The following TRPM7 variants were observed in gnomAD, a reference collection of about 807,000 sequenced individuals.
TRPM7 encodes transient receptor potential cation channel subfamily M member 7.
TRPM7 carries 134 observed loss-of-function variants against 229.7 expected under a neutral mutation model. The observed-to-expected ratio is 0.58, with a 90% confidence interval of 0.51 to 0.67. TRPM7 has a LOEUF of 0.67. TRPM7 is among the 30% of genes least tolerant of loss of function. The pLI is 0.00. For missense variants in TRPM7, 1,901 were observed against 2,210.0 expected (o/e 0.86, Z 2.80); for synonymous variants, 699 against 715.2 (o/e 0.98, Z 0.36).
intron 1 of TRPM7, among the ~76,000 whole-genome samples, chr15:50,683,555 CA>C (rs932296479): frequency 2.6e-5 from 4 of 151,760 alleles, no homozygotes; most frequent in Admixed American, 2.6e-4. Flanking sequence ...GCCAACATGG[CA>C]AACCCTGTCT....
intron 16 of TRPM7, 123 bp from the exon 17 acceptor site, chr15:50,611,444 G>C: frequency 1.4e-6 from 1 of 736,788 alleles, no homozygotes; most frequent in Non-Finnish European, 2.2e-6. Context: ...AGAATTATGA[G>C]GCATTAAAAC....
chr15:50,599,602 CAAG>C lies in TRPM7; in HGVS notation c.2989-309_2989-307del, dbSNP rs1466327102. ...TATCTCTGTGGTACGTGAAGATTTTCAAGAAGTACAGAGACACAGACAGATTTA... is the reference window on the plus strand; with the variant it reads ...TATCTCTGTGGTACGTGAAGATTTTCAAGTACAGAGACACAGACAGATTTA... On this transcript the variant is annotated intron_variant, in intron 21 of 38. Coordinates refer to ENST00000646667, the MANE Select transcript of TRPM7 (RefSeq NM_017672.6). The C allele has an allele frequency of 2.0e-5, 4 of 196,666 alleles. No individual in the cohort carries two copies. In the Admixed American group the frequency reaches 2.4e-4, roughly 12 times the overall value. 12.2% of individuals were successfully genotyped at this position (196,666 alleles called of 1,614,324 possible). A position where few individuals can be genotyped will look rare whatever the true frequency, so the allele number is the denominator to read the frequency against.
rs564118825 is a variant in TRPM7, at chr15:50,585,024, C to T, written c.4486+1368G>A. On this transcript the variant is annotated intron_variant, in intron 28 of 38. Coordinates refer to ENST00000646667, the MANE Select transcript of TRPM7 (RefSeq NM_017672.6). ...CCGAGTAGCTGGGATTACAGACGTG[C>T]GCCACCACATCTAGCTAATTTTTGT... Among the ~76,000 whole-genome samples, 7 of 151,166 alleles carry T rather than the reference C, an allele frequency of 4.6e-5. No homozygotes were observed. In the East Asian group the frequency reaches 1.2e-3, roughly 25 times the overall value.
intron 3 of TRPM7, among the ~76,000 whole-genome samples, chr15:50,654,845 C>T (rs1173743987): frequency 4.1e-5 from 6 of 146,040 alleles, no homozygotes; most frequent in Non-Finnish European, 7.6e-5. Flanking sequence ...AAAAAAACCA[C>T]AAAAAACTAC....
chr15:50,586,363 G>A lies in TRPM7; in HGVS notation c.4486+29C>T, dbSNP rs777044483. 11 of 1,380,538 alleles carry A rather than the reference G, an allele frequency of 8.0e-6. No individual in the cohort carries two copies. The South Asian group carries it at 1.3e-4, about 16-fold the overall frequency. The allele number at this position is 1,380,538 out of a possible 1,614,324, so 85.5% of individuals were successfully genotyped here. A position where few individuals can be genotyped will look rare whatever the true frequency, so the allele number is the denominator to read the frequency against. On this transcript the variant is annotated intron_variant, in intron 28 of 38. Transcript: ENST00000646667. ...TAAAGTGTAAATGAGTATGTTTTCTGACACTATTCATATGGTCAAAATACT... is the reference window on the plus strand; with the variant it reads ...TAAAGTGTAAATGAGTATGTTTTCTAACACTATTCATATGGTCAAAATACT...
chr15:50,583,199 G>T, intron 28 of TRPM7, 40 bp from the exon 29 acceptor site: 3 of 1,427,338 alleles, frequency 2.1e-6, no homozygotes, highest in South Asian at 2.4e-5. Flanking sequence ...CTACACAACT[G>T]AAGTTTTATG....
At chr15:50,657,968 T>A in intron 2 of TRPM7, 149 bp from the exon 3 acceptor site, 1 of 545,886 alleles carries the variant, frequency 1.8e-6, no homozygotes, top group Non-Finnish European at 3.3e-6. Context: ...TACCTTGATT[T>A]ATAATTCAAA....
chr15:50,592,198 G>A lies in TRPM7; in HGVS notation c.4037C>T (p.Pro1346Leu), dbSNP rs1249508184. The change falls in exon 26 of 39, where the codon CCA becomes CTA. Residue 1346 changes from proline to leucine, a missense_variant. Transcript: ENST00000646667. Reference protein sequence around the residue: ...AVPQRKEFNFPEAGSSSGALF... With the variant: ...AVPQRKEFNFLEAGSSSGALF... The stretch of plus-strand genomic sequence containing the variant: ...GGCACCAGAAGAGGAACCAGCCTCT[G>A]GAAAATTAAATTCTTTTCTCTGGGG... The A allele has an allele frequency of 6.2e-7, 1 of 1,614,062 alleles. No individual in the cohort carries two copies. Among genetic ancestry groups the A allele is most frequent in the Non-Finnish European group, 8.5e-7 (1 of 1,180,008 alleles).
chr15:50,581,141 C>A (rs2054386622), intron 29 of TRPM7, among the ~76,000 whole-genome samples: 1 of 152,116 alleles, frequency 6.6e-6, no homozygotes, highest in African/African-American at 2.4e-5. Flanking sequence ...TTATTTCCCA[C>A]AACATTGTCT....
In TRPM7 at chr15:50,575,886, G is replaced by T; in HGVS notation, c.4652C>A (p.Thr1551Lys). The change falls in exon 32 of 39, where the codon ACA becomes AAA. Residue 1551 changes from threonine (T) to lysine (K), a missense_variant. This residue lies in a region of TRPM7 where 533 missense variants were observed against 497.1 expected (regional missense o/e 1.07). Transcript: ENST00000646667. ...TTACTGACCTGAATAATAGTAATTT[G>T]TATCCATAGCTGGCTTAAATGGAGA... ...LTSPFKPAMD[T>K]NYYYSAVERN... 6.2e-7 allele frequency: 1 copy of T among 1,613,350 alleles called. No homozygotes were observed. The highest frequency in any genetic ancestry group is 8.5e-7 in the Non-Finnish European group (1 of 1,179,664).
intron 5 of TRPM7, among the ~76,000 whole-genome samples, chr15:50,642,982 T>A (rs1244301134): frequency 1.3e-5 from 2 of 152,158 alleles, no homozygotes; most frequent in Non-Finnish European, 2.9e-5. Flanking sequence ...ATTTCAAATA[T>A]CTAATTGCTA....
chr15:50,644,205 A>C (rs2061192022), intron 4 of TRPM7, among the ~76,000 whole-genome samples: 1 of 152,210 alleles, frequency 6.6e-6, no homozygotes, highest in Non-Finnish European at 1.5e-5. Context: ...TAATTTTTGA[A>C]AACATCTTTC....
At position 50,624,146 on chromosome 15, in the gene TRPM7, G is replaced by C; in HGVS notation, c.1440+20C>G. 6.3e-7 allele frequency: 1 copy of C among 1,585,722 alleles called. No homozygotes were observed. Among genetic ancestry groups the C allele is most frequent in the East Asian group, 2.3e-5 (1 of 44,306 alleles). ...CAAAAGATAAAATGTAGTCAATAAAGAATTTTAATGTAGACTTACAGTGTT... is the reference window on the plus strand; with the variant it reads ...CAAAAGATAAAATGTAGTCAATAAACAATTTTAATGTAGACTTACAGTGTT... On this transcript the variant is annotated intron_variant, in intron 12 of 38. Coordinates refer to ENST00000646667, the MANE Select transcript of TRPM7 (RefSeq NM_017672.6).
rs375551567 is a variant in TRPM7, at chr15:50,599,491, T to TA, written c.2989-196dup. The TA allele has an allele frequency of 3.3e-3, 1,368 of 420,428 alleles. 3 individuals are homozygous for TA. The highest frequency in any genetic ancestry group is 3.5e-3 in the Non-Finnish European group (833 of 239,748). 26.0% of individuals were successfully genotyped at this position (420,428 alleles called of 1,614,324 possible). Reference sequence around the variant, plus strand: ...AAATCTTAACATCTAGGAGATTACGTAAAAAAAAATCTATTAAGCTAAGCA... The same window carrying TA: ...AAATCTTAACATCTAGGAGATTACGTAAAAAAAAAATCTATTAAGCTAAGCA... On this transcript the variant is annotated intron_variant, in intron 21 of 38. Transcript: ENST00000646667.
intron 13 of TRPM7, among the ~76,000 whole-genome samples, chr15:50,615,163 C>CA (rs71124383): frequency 0.015 from 1,410 of 94,384 alleles, 87 homozygotes; most frequent in Middle Eastern, 0.038. Context: ...GACTTTGTCT[C>CA]AAAAAAAAAA....
intron 4 of TRPM7, among the ~76,000 whole-genome samples, chr15:50,645,844 A>G (rs753798370): frequency 1.3e-5 from 2 of 152,180 alleles, no homozygotes; most frequent in Admixed American, 6.5e-5. Context: ...AAAAAGAACA[A>G]TAACACCTGC....
chr15:50,635,809 T>C (rs1385292672), intron 7 of TRPM7, among the ~76,000 whole-genome samples: 1 of 150,394 alleles, frequency 6.6e-6, no homozygotes, highest in East Asian at 2.0e-4. Context: ...AAACCTCCTA[T>C]CTACCAAAAA....
intron 16 of TRPM7, among the ~76,000 whole-genome samples, 164 bp from the exon 17 acceptor site, chr15:50,611,485 T>G (rs751734268): frequency 5.9e-5 from 9 of 152,340 alleles, no homozygotes; most frequent in Non-Finnish European, 1.3e-4. Flanking sequence ...TCTACATCTA[T>G]GTGGAAATCA....
chr15:50,668,037 T>C (rs2061920985), intron 1 of TRPM7, among the ~76,000 whole-genome samples: 1 of 152,222 alleles, frequency 6.6e-6, no homozygotes, highest in African/African-American at 2.4e-5. Context: ...GTAACCAAAA[T>C]TCTTTGTCAA....
Sources: allele counts gnomAD v4.1 joint callset (sites outside exome capture counted in the v4.1 genomes callset), GRCh38; gene constraint gnomAD v4.1.1; regional missense constraint gnomAD v4.1.1; transcripts MANE v1.5; gene names NCBI Gene and HGNC (gene_info 2026-07-23, HGNC 2026-07-21).